The following ABCG4 variants were observed in gnomAD, a reference collection of about 807,000 sequenced individuals.
The protein encoded by ABCG4 is ATP-binding cassette sub-family G member 4.
A neutral mutation model predicts 64.6 loss-of-function variants in ABCG4; 35 were observed. That is an observed-to-expected ratio of 0.54 (90% CI 0.41 to 0.72). The LOEUF (loss-of-function observed/expected upper bound fraction) is 0.72, where lower values mean the gene tolerates loss of function less well. Ranked by LOEUF, ABCG4 falls within the 30% of genes least tolerant of loss-of-function variation. ABCG4 has a pLI of 0.00. For synonymous variants in ABCG4, 326 were observed against 348.2 expected (o/e 0.94, Z 0.71); for missense variants, 610 against 846.3 (o/e 0.72, Z 3.46).
At position 119,160,378 on chromosome 11, in the gene ABCG4, C is replaced by T; in HGVS notation, c.1589C>T (p.Ser530Phe). Residue 530 changes from serine (S) to phenylalanine (F), a missense_variant, in exon 13 of 15, where the codon TCC becomes TTC. Coordinates refer to ENST00000619701, the MANE Select transcript of ABCG4 (RefSeq NM_022169.5). The surrounding 1 kb of genome is among the most constrained non-coding windows in gnomAD (Gnocchi z 4.6). ...LGLLIGAASN[S>F]LQVATFVGPV... ...CTGCTGATCGGAGCTGCTTCCAACT[C>T]CCTACAGGTGGGAGGGCTGGCAGTT... 6.2e-7 allele frequency: 1 copy of T among 1,609,086 alleles called. No homozygotes were observed. The highest frequency in any genetic ancestry group is 8.5e-7 in the Non-Finnish European group (1 of 1,176,038).
chr11:119,151,080 G>A (rs929525301), intron 2 of ABCG4, among the ~76,000 whole-genome samples: 1 of 152,198 alleles, frequency 6.6e-6, no homozygotes, highest in African/African-American at 2.4e-5. Flanking sequence ...TCCCATGAGT[G>A]ACCAAAAGGT....
At chr11:119,157,309 A>C (rs1280306146) in intron 9 of ABCG4, among the ~76,000 whole-genome samples, 1 of 152,208 alleles carries the variant, frequency 6.6e-6, no homozygotes, top group Non-Finnish European at 1.5e-5. Context: ...AGCAAGATCA[A>C]CATGGTCCCC....
chr11:119,156,230 C>T lies in ABCG4; in HGVS notation c.687-99C>T, dbSNP rs1948261613. On this transcript the variant is annotated intron_variant, in intron 6 of 14. Transcript: ENST00000619701. The surrounding 1 kb of genome is among the most constrained non-coding windows in gnomAD (Gnocchi z 5.5). ...TGCGGCCAGAGTGCCCTCTTCCTGC[C>T]AGCTTCATCCCCTTCACAGCAGCTG... The T allele has an allele frequency of 1.3e-6, 2 of 1,535,722 alleles. No homozygotes were observed. Among genetic ancestry groups the T allele is most frequent in the Non-Finnish European group, 8.9e-7 (1 of 1,123,640 alleles).
chr11:119,159,865 G>A (rs1281159517), intron 12 of ABCG4, among the ~76,000 whole-genome samples: 2 of 152,074 alleles, frequency 1.3e-5, no homozygotes, highest in African/African-American at 4.8e-5. Context: ...TGCCCCCTAG[G>A]AGTTGGTAGC....
At position 119,154,733 on chromosome 11, in the gene ABCG4, C is replaced by T; in HGVS notation, c.541-37C>T. Reference sequence around the variant, plus strand: ...GGGTGGTGCCTGGGGGAAGCAGAGACTCCGAAGCTGACCTGGCATGGGTGG... The same window carrying T: ...GGGTGGTGCCTGGGGGAAGCAGAGATTCCGAAGCTGACCTGGCATGGGTGG... On this transcript the variant is annotated intron_variant, in intron 5 of 14. Transcript: ENST00000619701. This position sits in a 1 kb window ranked among gnomAD's most constrained non-coding sequence, Gnocchi z 7.0. 2 of 1,598,008 alleles carry T rather than the reference C, an allele frequency of 1.3e-6. No homozygotes were observed. The highest frequency in any genetic ancestry group is 2.2e-5 in the South Asian group (2 of 89,604).
rs766555477 is a variant in ABCG4, at chr11:119,161,049, A to C, written c.1884A>C (p.Leu628=). 1.2e-6 allele frequency: 2 copies of C among 1,613,984 alleles called. No homozygotes were observed. Among genetic ancestry groups the C allele is most frequent in the Admixed American group, 3.3e-5 (2 of 60,008 alleles). Residue 628 remains leucine (L), a synonymous_variant, in exon 15 of 15, where the codon CTA becomes CTC. Transcript: ENST00000619701. ...MDFLVLGIFF[L]ALRLLAYLVL... The stretch of plus-strand genomic sequence containing the variant: ...TCCTGGTCTTGGGCATCTTCTTCCT[A>C]GCCCTGCGGCTGCTGGCCTACCTTG...
At position 119,160,881 on chromosome 11, in the gene ABCG4, G is replaced by T. The variant is rs749012531; in HGVS notation, c.1716G>T (p.Arg572Ser). Residue 572 changes from arginine to serine, a missense_variant and splice_region_variant, in exon 15 of 15, where the codon AGG becomes AGT. Transcript: ENST00000619701. The surrounding 1 kb of genome is among the most constrained non-coding windows in gnomAD (Gnocchi z 4.6). ...CCATCTGATATCCCTGCCTGCCTAG[G>T]TATGGCTTTGAGGGTGTGATCCTGA... The part of the protein sequence containing the change: ...LQWSSYLSYV[R>S]YGFEGVILTI... The T allele has an allele frequency of 1.2e-6, 2 of 1,613,184 alleles. No homozygotes were observed. The highest frequency in any genetic ancestry group is 8.5e-7 in the Non-Finnish European group (1 of 1,179,396).
rs1254233764 is a variant in ABCG4 at position 119,160,877 on chromosome 11, C to CT, written c.1716-3dup. On this transcript the variant is annotated splice_region_variant and splice_polypyrimidine_tract_variant and intron_variant, in intron 14 of 14. Transcript: ENST00000619701. This position sits in a 1 kb window ranked among gnomAD's most constrained non-coding sequence, Gnocchi z 4.6. ...TATCCCATCTGATATCCCTGCCTGC[C>CT]TAGGTATGGCTTTGAGGGTGTGATC... 1 of 1,612,584 alleles carries CT rather than the reference C, an allele frequency of 6.2e-7. No homozygotes were observed. The highest frequency in any genetic ancestry group is 1.1e-5 in the South Asian group (1 of 90,952).
rs1948184558 is a variant in ABCG4 at position 119,150,677 on chromosome 11, T to C, written c.238+474T>C. On this transcript the variant is annotated intron_variant, in intron 2 of 14. Coordinates refer to ENST00000619701, the MANE Select transcript of ABCG4 (RefSeq NM_022169.5). The surrounding 1 kb of genome is among the most constrained non-coding windows in gnomAD (Gnocchi z 4.3). Reference sequence around the variant, plus strand: ...GGGTGGCGGTTTGGCAGGATAGATGTCATCTCCATGTTACTAATAAGGAAA... The same window carrying C: ...GGGTGGCGGTTTGGCAGGATAGATGCCATCTCCATGTTACTAATAAGGAAA... 6.6e-6 allele frequency among the ~76,000 whole-genome samples: 1 copy of C among 152,172 alleles called. No individual in the cohort carries two copies. Among genetic ancestry groups the C allele is most frequent in the African/African-American group, 2.4e-5 (1 of 41,424 alleles).
chr11:119,156,627 C>G lies in ABCG4; in HGVS notation c.874C>G (p.Leu292Val). 1 of 1,614,194 alleles carries G rather than the reference C, an allele frequency of 6.2e-7. No homozygotes were observed. Among genetic ancestry groups the G allele is most frequent in the Middle Eastern group, 1.6e-4 (1 of 6,062 alleles). The change falls in exon 8 of 15, where the codon CTA becomes GTA. Residue 292 changes from leucine to valine, a missense_variant. Leu to Val is a conservative substitution (Grantham distance 32). Transcript: ENST00000619701. The surrounding 1 kb of genome is among the most constrained non-coding windows in gnomAD (Gnocchi z 5.5). The stretch of plus-strand genomic sequence containing the variant: ...CGTGGTCACCAACCTGATCCCCTAT[C>G]TAAAGGGACTCGGCTTGCATTGCCC... Reference protein sequence around the residue: ...KGVVTNLIPYLKGLGLHCPTY... With the variant: ...KGVVTNLIPYVKGLGLHCPTY...
At chr11:119,153,851 C>T (rs534342499) in intron 2 of ABCG4, 175 bp from the exon 3 acceptor site, 250 of 636,748 alleles carry the variant, frequency 3.9e-4, no homozygotes, top group Non-Finnish European at 6.4e-4. Flanking sequence ...TCTAGGGGGA[C>T]GGGATGAGAG....
rs1276043217 is a variant in ABCG4, at chr11:119,161,832, C to T, written c.*726C>T. The T allele has an allele frequency of 6.5e-6, 1 of 152,972 alleles. No individual in the cohort carries two copies. Among genetic ancestry groups the T allele is most frequent in the African/African-American group, 2.4e-5 (1 of 41,454 alleles). 9.5% of individuals were successfully genotyped at this position (152,972 alleles called of 1,614,324 possible). A position where few individuals can be genotyped will look rare whatever the true frequency, so the allele number is the denominator to read the frequency against. On this transcript the variant is annotated 3_prime_UTR_variant, in exon 15 of 15. Coordinates refer to ENST00000619701, the MANE Select transcript of ABCG4 (RefSeq NM_022169.5). ...CCTGTGCAATAATGTCTGTGTTTCT[C>T]TCCCACCTGCCACTGGAACTGGAGA...
rs1948187006 is a variant in ABCG4, at chr11:119,150,895, G to A, written c.238+692G>A. ...CCCTGAACCCTGACTAGCCCCTGCA[G>A]CCCCTACCCTGAGCAGCTTTAGCTG... is the stretch of plus-strand genomic sequence containing the variant. On this transcript the variant is annotated intron_variant, in intron 2 of 14. Coordinates refer to ENST00000619701, the MANE Select transcript of ABCG4 (RefSeq NM_022169.5). The surrounding 1 kb of genome is among the most constrained non-coding windows in gnomAD (Gnocchi z 4.3). Among the ~76,000 whole-genome samples the A allele has an allele frequency of 5.9e-5, 9 of 152,240 alleles. No homozygotes were observed. Among genetic ancestry groups the A allele is most frequent in the Admixed American group, 1.3e-4 (2 of 15,290 alleles).
chr11:119,157,127 C>G lies in ABCG4; in HGVS notation c.1068+113C>G. On this transcript the variant is annotated intron_variant, in intron 9 of 14. Transcript: ENST00000619701. ...CCAGAGGCATTGCAACCAATGGGTG[C>G]TAGGAAGAACCTAGGACTTGGAATC... The G allele has an allele frequency of 2.1e-6, 3 of 1,408,026 alleles. No homozygotes were observed. In the South Asian group the frequency reaches 4.3e-5, roughly 20 times the overall value. The allele number at this position is 1,408,026 out of a possible 1,614,324, so 87.2% of individuals were successfully genotyped here. A position where few individuals can be genotyped will look rare whatever the true frequency, so the allele number is the denominator to read the frequency against.
At chr11:119,152,478 C>T (rs982457168) in intron 2 of ABCG4, among the ~76,000 whole-genome samples, 1 of 152,078 alleles carries the variant, frequency 6.6e-6, no homozygotes, top group Non-Finnish European at 1.5e-5. Flanking sequence ...ACTAAGGACA[C>T]TAAGGAGGTG....
At position 119,158,327 on chromosome 11, in the gene ABCG4, G is replaced by A. The variant is rs1470324875; in HGVS notation, c.1162G>A (p.Asp388Asn). The A allele has an allele frequency of 1.2e-6, 2 of 1,614,078 alleles. No individual in the cohort carries two copies. The highest frequency in any genetic ancestry group is 1.1e-5 in the South Asian group (1 of 91,070). Residue 388 changes from aspartate to asparagine, a missense_variant, in exon 10 of 15, where the codon GAC (aspartate) becomes AAC (asparagine). Physicochemically the swap from Asp to Asn is conservative, Grantham distance 23 (BLOSUM62 1). Transcript: ENST00000619701. This position sits in a 1 kb window ranked among gnomAD's most constrained non-coding sequence, Gnocchi z 4.5. ...GAGGACCTTCCTGTCCATCCTCAGG[G>A]ACACGGTGAGGCGTCAGGCTGGGGG... ...FKRTFLSILRDTVLTHLRFMS... is the reference protein window; with the variant it reads ...FKRTFLSILRNTVLTHLRFMS...
intron 2 of ABCG4, chr11:119,153,690 G>A (rs1391463826): frequency 4.0e-6 from 1 of 249,840 alleles, no homozygotes; most frequent in African/African-American, 2.2e-5. Flanking sequence ...TGGAGGGGGC[G>A]AGACAGTGGC....
chr11:119,154,755 G>T lies in ABCG4; in HGVS notation c.541-15G>T. On this transcript the variant is annotated splice_polypyrimidine_tract_variant and intron_variant, in intron 5 of 14. Coordinates refer to ENST00000619701, the MANE Select transcript of ABCG4 (RefSeq NM_022169.5). This position sits in a 1 kb window ranked among gnomAD's most constrained non-coding sequence, Gnocchi z 7.0. Reference sequence around the variant, plus strand: ...AGACTCCGAAGCTGACCTGGCATGGGTGGGGTGGGGCCAGGTGACAGAGAT... The same window carrying T: ...AGACTCCGAAGCTGACCTGGCATGGTTGGGGTGGGGCCAGGTGACAGAGAT... 1 of 1,604,430 alleles carries T rather than the reference G, an allele frequency of 6.2e-7. No individual in the cohort carries two copies. The highest frequency in any genetic ancestry group is 8.5e-7 in the Non-Finnish European group (1 of 1,172,720).
Position 119,160,884 on chromosome 11 carries a change from T to A in ABCG4, c.1719T>A (p.Tyr573Ter). The A allele has an allele frequency of 6.2e-7, 1 of 1,613,308 alleles. No individual in the cohort carries two copies. The change falls in exon 15 of 15, where the codon TAT becomes TAA. Residue 573 changes from tyrosine to a stop codon, truncating the protein, a stop_gained. Transcript: ENST00000619701. LOFTEE classifies it high-confidence loss of function. This position sits in a 1 kb window ranked among gnomAD's most constrained non-coding sequence, Gnocchi z 4.6. ...TCTGATATCCCTGCCTGCCTAGGTA[T>A]GGCTTTGAGGGTGTGATCCTGACGA... ...QWSSYLSYVRYGFEGVILTIY... is the reference protein window; with the variant it reads ...QWSSYLSYVR
Sources: allele counts gnomAD v4.1 joint callset (sites outside exome capture counted in the v4.1 genomes callset), GRCh38; gene constraint gnomAD v4.1.1; non-coding constraint Gnocchi (gnomAD v3.1); transcripts MANE v1.5; gene names NCBI Gene and HGNC (gene_info 2026-07-23, HGNC 2026-07-21).